Variants in TRIM55 observed in about 807,000 individuals in gnomAD.
The protein encoded by TRIM55 is tripartite motif-containing protein 55.
A neutral mutation model predicts 60.9 loss-of-function variants in TRIM55; 50 were observed. The ratio of observed to expected loss-of-function variants is 0.82; its 90% CI spans 0.65 to 1.04. TRIM55 has a LOEUF of 1.04. Ranked by LOEUF, TRIM55 falls within the 50% of genes least tolerant of loss-of-function variation. The pLI is 0.00. For synonymous variants in TRIM55, 237 were observed against 238.1 expected (o/e 1.00, Z 0.04); for missense variants, 681 against 666.9 (o/e 1.02, Z -0.23).
intron 4 of TRIM55, among the ~76,000 whole-genome samples, chr8:66,149,048 CAAA>C (rs1365251377): frequency 6.6e-6 from 1 of 152,020 alleles, no homozygotes; most frequent in Non-Finnish European, 1.5e-5. Context: ...GACTCTGTCT[CAAA>C]GAAGAAAGAA....
chr8:66,170,339 G>A (rs889940072), intron 9 of TRIM55, among the ~76,000 whole-genome samples: 6 of 152,072 alleles, frequency 3.9e-5, no homozygotes, highest in Admixed American at 1.3e-4. Context: ...TATAATATTC[G>A]TCCCTTTGTG....
At chr8:66,118,583 T>A in the TRIM55 span, among the ~76,000 whole-genome samples, 1 of 152,186 alleles carries the variant, frequency 6.6e-6, no homozygotes, top group Non-Finnish European at 1.5e-5. Context: ...GGCAAGAATC[T>A]TTGTATGGAA....
intron 9 of TRIM55, among the ~76,000 whole-genome samples, chr8:66,159,725 CA>C (rs1810943443): frequency 2.0e-5 from 3 of 152,170 alleles, no homozygotes; most frequent in Non-Finnish European, 4.4e-5. Flanking sequence ...TTTCATATTT[CA>C]GCTATTCTGG....
At chr8:66,151,585 G>A (rs1563380366) in intron 7 of TRIM55, among the ~76,000 whole-genome samples, 2 of 151,994 alleles carry the variant, frequency 1.3e-5, no homozygotes, top group African/African-American at 4.8e-5. Context: ...AAGAGTCACG[G>A]CATTCCAGCA....
At chr8:66,148,147 G>A (rs1186081775) in intron 4 of TRIM55, among the ~76,000 whole-genome samples, 1 of 152,172 alleles carries the variant, frequency 6.6e-6, no homozygotes, top group Non-Finnish European at 1.5e-5. Context: ...AGATGGTCAA[G>A]TCCAAGGAGA....
chr8:66,116,434 C>A, the TRIM55 span, among the ~76,000 whole-genome samples: 38 of 152,014 alleles, frequency 2.5e-4, 1 homozygote, highest in East Asian at 7.3e-3. Context: ...TGGTGAAACC[C>A]TGTCTCTACA....
chr8:66,114,240 G>A, the TRIM55 span, among the ~76,000 whole-genome samples: 6 of 152,150 alleles, frequency 3.9e-5, no homozygotes, highest in South Asian at 2.1e-4. Context: ...AGAGGTAGCG[G>A]GATCGATGCC....
intron 9 of TRIM55, among the ~76,000 whole-genome samples, chr8:66,166,361 G>A (rs1353171570): frequency 1.3e-5 from 2 of 152,174 alleles, no homozygotes; most frequent in Non-Finnish European, 2.9e-5. Flanking sequence ...TTATGACACA[G>A]CTAGCTGAGC....
intron 9 of TRIM55, among the ~76,000 whole-genome samples, chr8:66,161,040 T>A (rs2128984160): frequency 6.6e-6 from 1 of 152,194 alleles, no homozygotes; most frequent in East Asian, 1.9e-4. Context: ...TCCCATCTAT[T>A]TGTCTTTGTT....
Position 66,154,050 on chromosome 8 carries a change from G to C in TRIM55, c.1240G>C (p.Glu414Gln). The C allele has an allele frequency of 6.2e-7, 1 of 1,611,254 alleles. No individual in the cohort carries two copies. Among genetic ancestry groups the C allele is most frequent in the Non-Finnish European group, 8.5e-7 (1 of 1,178,512 alleles). Reference protein sequence around the residue: ...PAADAPVTQGEVVPTGSEQTT... With the variant: ...PAADAPVTQGQVVPTGSEQTT... ...GAATTTATCTGTCCTGATTAAGGGGGAGGTTGTACCCACTGGCTCTGAGCA... is the reference window on the plus strand; with the variant it reads ...GAATTTATCTGTCCTGATTAAGGGGCAGGTTGTACCCACTGGCTCTGAGCA... Residue 414 changes from glutamate (E) to glutamine (Q), a missense_variant, in exon 9 of 10, where the codon GAG (glutamate) becomes CAG (glutamine). Glu to Gln is a conservative substitution (Grantham distance 29, BLOSUM62 2). Transcript: ENST00000315962.
intron 9 of TRIM55, among the ~76,000 whole-genome samples, chr8:66,167,495 C>T (rs1304802053): frequency 1.3e-5 from 2 of 152,186 alleles, no homozygotes; most frequent in Non-Finnish European, 2.9e-5. Context: ...CTGTCCTCTC[C>T]ACCCTGATCC....
chr8:66,168,340 C>T (rs1428858076), intron 9 of TRIM55, among the ~76,000 whole-genome samples: 1 of 152,230 alleles, frequency 6.6e-6, no homozygotes, highest in Non-Finnish European at 1.5e-5. Context: ...TACTCTCCTT[C>T]CCAGTTAGGA....
intron 4 of TRIM55, among the ~76,000 whole-genome samples, chr8:66,147,809 A>C (rs1051264202): frequency 6.8e-6 from 1 of 147,234 alleles, no homozygotes; most frequent in Non-Finnish European, 1.5e-5. Flanking sequence ...AAAAAAAAAA[A>C]AAAAAAAACC....
chr8:66,124,252 A>G (rs1808737577), upstream of TRIM55, among the ~76,000 whole-genome samples: 1 of 152,214 alleles, frequency 6.6e-6, no homozygotes, highest in Non-Finnish European at 1.5e-5. Context: ...AATCTAACCC[A>G]ATCATCGCTG....
At chr8:66,122,343 T>A (rs1468545354), upstream of TRIM55, among the ~76,000 whole-genome samples, 2 of 152,026 alleles carry the variant, frequency 1.3e-5, no homozygotes, top group African/African-American at 4.8e-5. Context: ...GGACCTGGAA[T>A]CCCCCTCCCC....
chr8:66,127,150 C>T lies in TRIM55; in HGVS notation c.-119C>T. On this transcript the variant is annotated 5_prime_UTR_variant, in exon 1 of 10. Transcript: ENST00000315962. ...AACCAGGGCCTGAAACAATGTCCTC[C>T]ACCGAGAGAAACGTAAAGGACACTT... 1 of 1,128,524 alleles carries T rather than the reference C, an allele frequency of 8.9e-7. No homozygotes were observed. The highest frequency in any genetic ancestry group is 1.2e-6 in the Non-Finnish European group (1 of 805,950). The allele number at this position is 1,128,524 out of a possible 1,614,324, so 69.9% of individuals were successfully genotyped here. A position where few individuals can be genotyped will look rare whatever the true frequency, so the allele number is the denominator to read the frequency against.
Position 66,150,226 on chromosome 8 carries a change from AC to A in TRIM55, c.850del (p.Leu284CysfsTer2). The A allele has an allele frequency of 6.2e-7, 1 of 1,613,222 alleles. No homozygotes were observed. The highest frequency in any genetic ancestry group is 1.3e-5 in the African/African-American group (1 of 75,014). Reference sequence around the variant, plus strand: ...TTGTTTGCTTTCACAGAATGCCAAAACCCTGCTAAAAAAGTAAGAACTTTTT... The same window carrying A: ...TTGTTTGCTTTCACAGAATGCCAAAACCTGCTAAAAAAGTAAGAACTTTTT... Reference protein sequence around the residue: ...EMAVFLQNAKTLLKKISEASK... With the variant: ...EMAVFLQNAKXLLKKISEASK... On this transcript the variant is annotated frameshift_variant, in exon 6 of 10. Transcript: ENST00000315962. LOFTEE classifies it high-confidence loss of function.
chr8:66,154,147 A>T lies in TRIM55; in HGVS notation c.1337A>T (p.Tyr446Phe). ...GATCCCTTGTTTTACCCTAGTTGGTATAAAGGCCAAACCCGGAAAGCCACC... is the reference window on the plus strand; with the variant it reads ...GATCCCTTGTTTTACCCTAGTTGGTTTAAAGGCCAAACCCGGAAAGCCACC... Reference protein sequence around the residue: ...TADPLFYPSWYKGQTRKATTN... With the variant: ...TADPLFYPSWFKGQTRKATTN... Residue 446 changes from tyrosine (Y) to phenylalanine (F), a missense_variant, in exon 9 of 10, where the codon TAT (tyrosine) becomes TTT (phenylalanine). Transcript: ENST00000315962. 6.2e-7 allele frequency: 1 copy of T among 1,614,070 alleles called. No individual in the cohort carries two copies. Among genetic ancestry groups the T allele is most frequent in the Non-Finnish European group, 8.5e-7 (1 of 1,180,018 alleles).
At chr8:66,119,996 C>T in the TRIM55 span, among the ~76,000 whole-genome samples, 6 of 152,060 alleles carry the variant, frequency 3.9e-5, no homozygotes, top group African/African-American at 1.2e-4. Flanking sequence ...TGTGGTGCAG[C>T]TTAGTGGGTG....
Sources: allele counts gnomAD v4.1 joint callset (sites outside exome capture counted in the v4.1 genomes callset), GRCh38; gene constraint gnomAD v4.1.1; transcripts MANE v1.5; gene names NCBI Gene and HGNC (gene_info 2026-07-23, HGNC 2026-07-21).